The following PLCB1 variants were observed in gnomAD, a reference collection of about 807,000 sequenced individuals.
The protein encoded by PLCB1 is 1-phosphatidylinositol 4,5-bisphosphate phosphodiesterase beta-1.
PLCB1 carries 46 observed loss-of-function variants against 161.8 expected under a neutral mutation model. That is an observed-to-expected ratio of 0.28 (90% CI 0.22 to 0.36). PLCB1 has a LOEUF of 0.36. Among genes scored for constraint, PLCB1 ranks in the 10% least tolerant of loss-of-function variants. The pLI is 1.00. For synonymous variants in PLCB1, 517 were observed against 503.7 expected (o/e 1.03, Z -0.35); for missense variants, 1,016 against 1,472.5 (o/e 0.69, Z 5.07).
chr20:8,133,893 C>G (rs2051317412), intron 1 of PLCB1, among the ~76,000 whole-genome samples: 1 of 152,186 alleles, frequency 6.6e-6, no homozygotes. Flanking sequence ...GGGTATTTTT[C>G]TTTAATCTTC....
chr20:8,155,471 C>A (rs1385366662), intron 2 of PLCB1, among the ~76,000 whole-genome samples: 1 of 152,100 alleles, frequency 6.6e-6, no homozygotes, highest in African/African-American at 2.4e-5. Flanking sequence ...AGTTCAAAAG[C>A]AAAGTTTAAA....
At chr20:8,563,771 A>G (rs912611353) in intron 3 of PLCB1, among the ~76,000 whole-genome samples, 2 of 152,150 alleles carry the variant, frequency 1.3e-5, no homozygotes, top group Admixed American at 6.6e-5. Flanking sequence ...TAAAATACCT[A>G]GGAATACAAC....
intron 2 of PLCB1, among the ~76,000 whole-genome samples, chr20:8,228,935 T>C (rs1014859419): frequency 6.6e-6 from 1 of 152,094 alleles, no homozygotes. Context: ...TGAAAATATA[T>C]ACAATTTTTG....
chr20:8,283,211 T>G (rs770490552), intron 2 of PLCB1, among the ~76,000 whole-genome samples: 2 of 152,186 alleles, frequency 1.3e-5, no homozygotes, highest in Non-Finnish European at 2.9e-5. Context: ...CTGGGAAGTT[T>G]CATCTTAATT....
Position 8,425,525 on chromosome 20 carries a change from A to G in PLCB1, c.246+54075A>G, listed in dbSNP as rs151053702. ...GGGGCACCTGAGATTCTGTATCTCA[A>G]ACTGGGCCCTGGGTGTTGCTATAGA... On this transcript the variant is annotated intron_variant, in intron 3 of 31. Transcript: ENST00000338037. Among the ~76,000 whole-genome samples the G allele has an allele frequency of 1.4e-4, 22 of 152,256 alleles. No individual in the cohort carries two copies. The South Asian group carries it at 4.6e-3, about 32-fold the overall frequency.
intron 19 of PLCB1, among the ~76,000 whole-genome samples, chr20:8,735,009 T>G (rs1203236477): frequency 1.3e-5 from 2 of 152,218 alleles, no homozygotes; most frequent in East Asian, 3.8e-4. Flanking sequence ...TCTTTTGAAA[T>G]TACTTCAAGC....
intron 3 of PLCB1, among the ~76,000 whole-genome samples, chr20:8,559,891 CCT>C (rs374650202): frequency 1.1e-3 from 174 of 152,042 alleles, no homozygotes; most frequent in African/African-American, 4.2e-3. Flanking sequence ...CTCTGCAAAT[CCT>C]CTTTTTTTAT....
At chr20:8,416,942 A>ACACAC (rs1462281931) in intron 3 of PLCB1, among the ~76,000 whole-genome samples, 1 of 148,466 alleles carries the variant, frequency 6.7e-6, no homozygotes, top group Non-Finnish European at 1.5e-5. Flanking sequence ...ACACACACAC[A>ACACAC]CACACACACA....
chr20:8,614,364 A>ACACATACC (rs1987990938), intron 3 of PLCB1, among the ~76,000 whole-genome samples: 1 of 151,864 alleles, frequency 6.6e-6, no homozygotes, highest in African/African-American at 2.4e-5. Flanking sequence ...ATACACATAC[A>ACACATACC]CACACACAGA....
chr20:8,619,960 C>A (rs1307918641), intron 3 of PLCB1, among the ~76,000 whole-genome samples: 5 of 152,082 alleles, frequency 3.3e-5, no homozygotes, highest in Non-Finnish European at 7.4e-5. Context: ...ATGTTCCCCC[C>A]ATATTGTGTT....
chr20:8,243,154 T>C (rs57461980), intron 2 of PLCB1, among the ~76,000 whole-genome samples: 12,904 of 151,898 alleles, frequency 0.085, 1,853 homozygotes, highest in African/African-American at 0.29. Context: ...AGTTTTGGTG[T>C]TTGCTGGAGC....
In PLCB1 at chr20:8,662,290, A is replaced by G. The variant is rs1311848440; in HGVS notation, c.862+3586A>G. Among the ~76,000 whole-genome samples, 8 of 118,492 alleles carry G rather than the reference A, an allele frequency of 6.8e-5. No individual in the cohort carries two copies. The East Asian group carries it at 1.0e-3, about 15-fold the overall frequency. The allele number at this position is 118,492 out of a possible 152,430, so 77.7% of individuals were successfully genotyped here. On this transcript the variant is annotated intron_variant, in intron 9 of 31. Transcript: ENST00000338037. The stretch of plus-strand genomic sequence containing the variant: ...AAGTATTTATTATATAATTATGTAT[A>G]TAATTATTTATTATATAATTATGTA...
At chr20:8,864,568 G>A (rs577853318) in intron 31 of PLCB1, among the ~76,000 whole-genome samples, 15 of 152,186 alleles carry the variant, frequency 9.9e-5, no homozygotes, top group Non-Finnish European at 1.8e-4. Context: ...CAATGAATGT[G>A]TGAGGGAGAG....
intron 2 of PLCB1, among the ~76,000 whole-genome samples, chr20:8,312,208 C>G (rs1354298757): frequency 6.6e-6 from 1 of 152,010 alleles, no homozygotes; most frequent in Non-Finnish European, 1.5e-5. Flanking sequence ...TATAGATCTA[C>G]CCACCCACCA....
intron 2 of PLCB1, among the ~76,000 whole-genome samples, chr20:8,239,593 TAAA>T (rs765027402): frequency 7.1e-6 from 1 of 140,388 alleles, no homozygotes; most frequent in Non-Finnish European, 1.6e-5. Context: ...TTCTGGTACT[TAAA>T]AAAAAAAAAA....
chr20:8,784,339 GATC>G (rs1983379017), intron 27 of PLCB1, among the ~76,000 whole-genome samples: 1 of 152,126 alleles, frequency 6.6e-6, no homozygotes, highest in Non-Finnish European at 1.5e-5. Flanking sequence ...GAGAAGGGCA[GATC>G]ACGTGAGGTC....
intron 2 of PLCB1, among the ~76,000 whole-genome samples, chr20:8,171,400 T>C (rs1218473334): frequency 1.3e-5 from 2 of 151,874 alleles, no homozygotes; most frequent in East Asian, 3.9e-4. Flanking sequence ...GTTCATATGT[T>C]ATGTTTTTTG....
At position 8,654,941 on chromosome 20, in the gene PLCB1, G is replaced by A. The variant is rs548616441; in HGVS notation, c.595-2243G>A. The stretch of plus-strand genomic sequence containing the variant: ...TTACTTATTTTAACTCCTCTTTATG[G>A]AACATTTTTTCTTCCATTTTCACCT... On this transcript the variant is annotated intron_variant, in intron 7 of 31. Coordinates refer to ENST00000338037, the MANE Select transcript of PLCB1 (RefSeq NM_015192.4). Among the ~76,000 whole-genome samples the A allele has an allele frequency of 2.4e-4, 36 of 151,984 alleles. No individual in the cohort carries two copies. In the East Asian group the frequency reaches 2.7e-3, roughly 11 times the overall value.
chr20:8,403,156 A>G (rs1015399189), intron 3 of PLCB1, among the ~76,000 whole-genome samples: 8 of 152,248 alleles, frequency 5.3e-5, no homozygotes, highest in Middle Eastern at 3.4e-3. Context: ...GTCCCAAATG[A>G]TATAAAAAAA....
Sources: allele counts gnomAD v4.1 joint callset (sites outside exome capture counted in the v4.1 genomes callset), GRCh38; gene constraint gnomAD v4.1.1; transcripts MANE v1.5; gene names NCBI Gene and HGNC (gene_info 2026-07-23, HGNC 2026-07-21).